MCCC1: variants seen among roughly 807,000 people sequenced by gnomAD.
MCCC1 encodes methylcrotonyl-CoA carboxylase subunit 1.
MCCC1 carries 64 observed loss-of-function variants against 83.8 expected under a neutral mutation model. The ratio of observed to expected loss-of-function variants is 0.76; its 90% CI spans 0.62 to 0.94. The LOEUF is 0.94. Ranked by LOEUF, MCCC1 falls within the 40% of genes least tolerant of loss-of-function variation. The pLI, the probability that MCCC1 is intolerant of heterozygous loss-of-function variation, is 0.00. For synonymous variants in MCCC1, 322 were observed against 315.4 expected (o/e 1.02, Z -0.22); for missense variants, 807 against 904.7 (o/e 0.89, Z 1.39).
In MCCC1 at chr3:183,095,573, T is replaced by C. The variant is rs73052262; in HGVS notation, c.90-968A>G. Among the ~76,000 whole-genome samples, 714 of 152,300 alleles carry C rather than the reference T, an allele frequency of 4.7e-3. 5 individuals are homozygous for C. The highest frequency in any genetic ancestry group is 0.016 in the African/African-American group (678 of 41,574). ...CAGTGTTTCTCCAACTTTTTTTTCATTATTACTCTCCTAATGAGAAAACTT... is the reference window on the plus strand; with the variant it reads ...CAGTGTTTCTCCAACTTTTTTTTCACTATTACTCTCCTAATGAGAAAACTT... On this transcript the variant is annotated intron_variant, in intron 1 of 18. Coordinates refer to ENST00000265594, the MANE Select transcript of MCCC1 (RefSeq NM_020166.5).
intron 9 of MCCC1, among the ~76,000 whole-genome samples, chr3:183,049,940 G>A (rs1016280910): frequency 1.3e-5 from 2 of 152,216 alleles, no homozygotes; most frequent in Admixed American, 1.3e-4. Flanking sequence ...GCAATACAGG[G>A]GGACCCTGTC....
intron 3 of MCCC1, 151 bp downstream of exon 3, chr3:183,092,258 A>G (rs1238006475): frequency 2.3e-6 from 2 of 882,936 alleles, no homozygotes; most frequent in Non-Finnish European, 3.5e-6. Context: ...ATATCTGAAA[A>G]ATGTTCCCAA....
chr3:183,097,685 A>G (rs1272506661), intron 1 of MCCC1, among the ~76,000 whole-genome samples: 1 of 152,182 alleles, frequency 6.6e-6, no homozygotes, highest in Non-Finnish European at 1.5e-5. Flanking sequence ...AAATACAGGC[A>G]TGAACCAAGT....
intron 1 of MCCC1, among the ~76,000 whole-genome samples, chr3:183,105,631 C>T (rs115072377): frequency 2.6e-5 from 4 of 152,040 alleles, no homozygotes; most frequent in Non-Finnish European, 5.9e-5. Flanking sequence ...GCGTTTCGTA[C>T]CTTAGGCCTG....
rs1715031234 is a variant in MCCC1 at position 183,052,206 on chromosome 3, C to T, written c.908G>A (p.Gly303Glu). 6.2e-7 allele frequency: 1 copy of T among 1,613,976 alleles called. No homozygotes were observed. Among genetic ancestry groups the T allele is most frequent in the African/African-American group, 1.3e-5 (1 of 74,938 alleles). ...TTTAGCAGCTCTGACTGCAGCTTCT[C>T]CCAGCTTTTTTCTTACTTCAGATTT... is the stretch of plus-strand genomic sequence containing the variant. The part of the protein sequence containing the change: ...GIKSEVRKKL[G>E]EAAVRAAKAV... Residue 303 changes from glycine to glutamate, a missense_variant, in exon 9 of 19, where the codon GGA (glycine) becomes GAA (glutamate). Coordinates refer to ENST00000265594, the MANE Select transcript of MCCC1 (RefSeq NM_020166.5).
chr3:183,086,476 C>A (rs1245446845), intron 4 of MCCC1, among the ~76,000 whole-genome samples: 4 of 152,208 alleles, frequency 2.6e-5, no homozygotes, highest in African/African-American at 9.7e-5. Flanking sequence ...GACCCTCTTT[C>A]CACCTATTTC....
intron 14 of MCCC1, among the ~76,000 whole-genome samples, chr3:183,032,702 G>T (rs1713179185): frequency 6.6e-6 from 1 of 152,018 alleles, no homozygotes; most frequent in South Asian, 2.1e-4. Flanking sequence ...GTGAAACCCT[G>T]TCTCTACTAA....
intron 7 of MCCC1, among the ~76,000 whole-genome samples, chr3:183,060,483 A>T (rs904687927): frequency 1.3e-5 from 2 of 152,238 alleles, no homozygotes; most frequent in Non-Finnish European, 2.9e-5. Context: ...GAAGAAAGCT[A>T]TTGACATAAC....
chr3:183,016,613 A>T (rs189773917), intron 18 of MCCC1, among the ~76,000 whole-genome samples: 3 of 152,236 alleles, frequency 2.0e-5, no homozygotes, highest in Non-Finnish European at 2.9e-5. Context: ...AAATCTCCCC[A>T]GGTGACTGTA....
intron 1 of MCCC1, among the ~76,000 whole-genome samples, chr3:183,106,038 C>T (rs927781814): frequency 7.3e-6 from 1 of 136,974 alleles, no homozygotes; most frequent in African/African-American, 2.6e-5. Context: ...GCAGTGAGCC[C>T]AGATCGCGCC....
At chr3:183,017,436 T>A in intron 17 of MCCC1, 99 bp from the exon 18 acceptor site, 2 of 1,026,620 alleles carry the variant, frequency 1.9e-6, no homozygotes, top group Non-Finnish European at 3.0e-6. Flanking sequence ...CTATATATAC[T>A]CATAACATCA....
intron 1 of MCCC1, among the ~76,000 whole-genome samples, chr3:183,094,854 G>A (rs1397682628): frequency 6.6e-6 from 1 of 152,164 alleles, no homozygotes; most frequent in Non-Finnish European, 1.5e-5. Context: ...TAAGACCACA[G>A]TCAGAGATGA....
intron 7 of MCCC1, among the ~76,000 whole-genome samples, chr3:183,067,801 A>C (rs2108520721): frequency 6.6e-6 from 1 of 152,336 alleles, no homozygotes; most frequent in South Asian, 2.1e-4. Flanking sequence ...AACTTGGGAT[A>C]ATCTTGCTTA....
chr3:183,085,908 T>C (rs921766149), intron 4 of MCCC1, among the ~76,000 whole-genome samples: 4 of 152,168 alleles, frequency 2.6e-5, no homozygotes, highest in East Asian at 3.9e-4. Context: ...CAGGTTCTTT[T>C]GGAACTCCAA....
upstream of MCCC1, among the ~76,000 whole-genome samples, chr3:183,104,288 T>C (rs539100443): frequency 1.3e-5 from 2 of 152,298 alleles, no homozygotes; most frequent in East Asian, 1.9e-4. Flanking sequence ...CTGTGAGGAC[T>C]GCCAGCACGC....
In MCCC1 at chr3:183,015,478, T is replaced by C; in HGVS notation, c.2138A>G (p.Glu713Gly). The change falls in exon 19 of 19, where the codon GAG becomes GGG. Residue 713 changes from glutamate to glycine, a missense_variant. Transcript: ENST00000265594. ...AQANRHTPLVEFEEEESDKRE... is the reference protein window; with the variant it reads ...AQANRHTPLVGFEEEESDKRE... ...TTTGTCTGATTCTTCCTCCTCAAAC[T>C]CGACTAAAGGAGTGTGTCTGTTGGC... 6.2e-7 allele frequency: 1 copy of C among 1,614,190 alleles called. No individual in the cohort carries two copies. Among genetic ancestry groups the C allele is most frequent in the Non-Finnish European group, 8.5e-7 (1 of 1,180,022 alleles).
At chr3:183,096,106 T>TG (rs1718714832) in intron 1 of MCCC1, among the ~76,000 whole-genome samples, 2 of 151,938 alleles carry the variant, frequency 1.3e-5, no homozygotes, top group African/African-American at 2.4e-5. Flanking sequence ...GAGGCTGAGG[T>TG]GGGGGGATTA....
upstream of MCCC1, among the ~76,000 whole-genome samples, chr3:183,102,651 T>G (rs1202005063): frequency 6.6e-6 from 1 of 151,154 alleles, no homozygotes; most frequent in Non-Finnish European, 1.5e-5. Context: ...CCCTGCTTAC[T>G]TCTTACACCT....
intron 11 of MCCC1, 113 bp from the exon 12 acceptor site, chr3:183,039,248 A>C: frequency 2.0e-6 from 2 of 1,005,388 alleles, no homozygotes; most frequent in Non-Finnish European, 3.1e-6. Context: ...AAACCCCTGC[A>C]TGATAAATAA....
Sources: gnomAD v4.1 joint callset for allele counts (sites outside exome capture counted in the v4.1 genomes callset) on GRCh38, gnomAD v4.1.1 for gene constraint, MANE v1.5 for transcripts, NCBI Gene and HGNC (gene_info 2026-07-23, HGNC 2026-07-21) for gene names.